Variants in OR51A7 observed in about 807,000 individuals in gnomAD.
The protein encoded by OR51A7 is olfactory receptor family 51 subfamily A member 7.
For synonymous variants in OR51A7, 143 were observed against 135.5 expected, an observed-to-expected ratio of 1.05 and a Z score of -0.38; for missense variants, 409 against 374.5, an observed-to-expected ratio of 1.09 and a Z score of -0.76.
In OR51A7 at chr11:4,908,459, A is replaced by G; in HGVS notation, c.*151A>G. On this transcript the variant is annotated 3_prime_UTR_variant, in exon 2 of 2. Coordinates refer to ENST00000641490, the MANE Select transcript of OR51A7 (RefSeq NM_001004749.2). ...GAATTTATAATAAAGTTGAGAATAT[A>G]ACTGAACAGGATAGAAAAAAAAGTC... The G allele has an allele frequency of 1.4e-6, 1 of 717,224 alleles. No individual in the cohort carries two copies. Among genetic ancestry groups the G allele is most frequent in the Non-Finnish European group, 2.4e-6 (1 of 412,212 alleles). The allele number at this position is 717,224 out of a possible 1,614,324, so 44.4% of individuals were successfully genotyped here.
At chr11:4,904,835 T>G (rs1850858813) in intron 1 of OR51A7, among the ~76,000 whole-genome samples, 1 of 152,178 alleles carries the variant, frequency 6.6e-6, no homozygotes, top group Non-Finnish European at 1.5e-5. Context: ...TTTACATATT[T>G]GCTGAGAGCC....
chr11:4,905,131 C>T (rs1457014301), intron 1 of OR51A7, among the ~76,000 whole-genome samples: 4 of 152,086 alleles, frequency 2.6e-5, no homozygotes, highest in Non-Finnish European at 5.9e-5. Context: ...TTTATGACTA[C>T]TGACATGGGA....
At chr11:4,905,670 A>G (rs1173065950) in intron 1 of OR51A7, among the ~76,000 whole-genome samples, 1 of 152,108 alleles carries the variant, frequency 6.6e-6, no homozygotes, top group Admixed American at 6.5e-5. Context: ...TATTAATTTC[A>G]TAATTTTAAT....
rs139252368 is a variant in OR51A7 at position 4,907,833 on chromosome 11, T to C, written c.464T>C (p.Leu155Ser). 10 of 1,613,692 alleles carry C rather than the reference T, an allele frequency of 6.2e-6. No homozygotes were observed. The highest frequency in any genetic ancestry group is 2.7e-5 in the African/African-American group (2 of 74,912). ...GLILAIRSILLVIPFPFTLRR... is the reference protein window; with the variant it reads ...GLILAIRSILSVIPFPFTLRR... ...ATTTTAGCCATTAGGAGCATTCTCT[T>C]AGTGATTCCATTTCCCTTCACCTTA... Residue 155 changes from leucine to serine, a missense_variant, in exon 2 of 2, where the codon TTA becomes TCA. Coordinates refer to ENST00000641490, the MANE Select transcript of OR51A7 (RefSeq NM_001004749.2).
chr11:4,906,374 TA>T lies in OR51A7; in HGVS notation c.-31-964del, dbSNP rs574973802. 1.4e-3 allele frequency among the ~76,000 whole-genome samples: 217 copies of T among 152,322 alleles called. 1 individual carries two copies. The highest frequency in any genetic ancestry group is 4.9e-3 in the African/African-American group (203 of 41,584). On this transcript the variant is annotated intron_variant, in intron 1 of 1. Coordinates refer to ENST00000641490, the MANE Select transcript of OR51A7 (RefSeq NM_001004749.2). ...AAACCTACCAAGATTGTATTCATTT[TA>T]CAGATTTAAAATAACGCCCAAATAA... is the stretch of plus-strand genomic sequence containing the variant.
Position 4,908,078 on chromosome 11 carries a change from C to T in OR51A7, c.709C>T (p.Leu237=), listed in dbSNP as rs778405684. 2.2e-5 allele frequency: 36 copies of T among 1,614,042 alleles called. No homozygotes were observed. In the Admixed American group the frequency reaches 4.3e-4, roughly 19 times the overall value. The change falls in exon 2 of 2, where the codon CTA becomes TTA. Residue 237 remains leucine (L), a synonymous_variant. Transcript: ENST00000641490. ...ATCTTTGGCAGAGAGGCTTAAGGCC[C>T]TAAATACCTGTGTCTCCCACATCTG... ...IASLAERLKA[L]NTCVSHICAV... is the part of the protein sequence containing the mutation.
In OR51A7 at chr11:4,908,979, G is replaced by A. The variant is rs1034797846; in HGVS notation, c.*671G>A. 3 of 152,460 alleles carry A rather than the reference G, an allele frequency of 2.0e-5. No homozygotes were observed. Among genetic ancestry groups the A allele is most frequent in the African/African-American group, 7.2e-5 (3 of 41,442 alleles). The allele number at this position is 152,460 out of a possible 1,614,324, so 9.4% of individuals were successfully genotyped here. ...AGTGATGACTCAGAATAGGCAGGGA[G>A]AGAACAAGATCATTTAGCTGCTGTT... On this transcript the variant is annotated 3_prime_UTR_variant, in exon 2 of 2. Transcript: ENST00000641490.
chr11:4,905,317 A>G (rs1589934396), intron 1 of OR51A7, among the ~76,000 whole-genome samples: 2 of 152,166 alleles, frequency 1.3e-5, no homozygotes, highest in African/African-American at 4.8e-5. Flanking sequence ...GCCCTTTTCC[A>G]TGTAGAAGAT....
Position 4,908,424 on chromosome 11 carries a change from A to G in OR51A7, c.*116A>G. On this transcript the variant is annotated 3_prime_UTR_variant, in exon 2 of 2. Transcript: ENST00000641490. ...GACTGGATGATGGAAGTGAAAAGCTATGTAGTGCAGAATTTATAATAAAGT... is the reference window on the plus strand; with the variant it reads ...GACTGGATGATGGAAGTGAAAAGCTGTGTAGTGCAGAATTTATAATAAAGT... 1.2e-6 allele frequency: 1 copy of G among 852,448 alleles called. No homozygotes were observed. The highest frequency in any genetic ancestry group is 1.9e-6 in the Non-Finnish European group (1 of 517,544). 52.8% of individuals were successfully genotyped at this position (852,448 alleles called of 1,614,324 possible). A position where few individuals can be genotyped will look rare whatever the true frequency, so the allele number is the denominator to read the frequency against.
chr11:4,905,357 C>T (rs186789034), intron 1 of OR51A7, among the ~76,000 whole-genome samples: 1 of 152,140 alleles, frequency 6.6e-6, no homozygotes, highest in Non-Finnish European at 1.5e-5. Flanking sequence ...GCCAAAATGT[C>T]TCTTAGTACC....
chr11:4,905,233 A>G (rs1167376410), intron 1 of OR51A7, among the ~76,000 whole-genome samples: 1 of 152,070 alleles, frequency 6.6e-6, no homozygotes, highest in Non-Finnish European at 1.5e-5. Context: ...TCTCCACATT[A>G]TACTTACCCT....
Position 4,907,353 on chromosome 11 carries a change from C to G in OR51A7, c.-17C>G. 4.6e-4 allele frequency: 659 copies of G among 1,439,220 alleles called. No individual in the cohort carries two copies. The highest frequency in any genetic ancestry group is 5.8e-4 in the Non-Finnish European group (599 of 1,028,364). 89.2% of individuals were successfully genotyped at this position (1,439,220 alleles called of 1,614,324 possible). On this transcript the variant is annotated 5_prime_UTR_variant, in exon 2 of 2. Coordinates refer to ENST00000641490, the MANE Select transcript of OR51A7 (RefSeq NM_001004749.2). ...TATGGTTTCAGATCCGGCTAACGAGCTCATATCTCCCTCATTATGTCTGTT... is the reference window on the plus strand; with the variant it reads ...TATGGTTTCAGATCCGGCTAACGAGGTCATATCTCCCTCATTATGTCTGTT...
chr11:4,908,593 C>A lies in OR51A7; in HGVS notation c.*285C>A. 2.2e-6 allele frequency: 1 copy of A among 450,284 alleles called. No individual in the cohort carries two copies. Among genetic ancestry groups the A allele is most frequent in the Admixed American group, 3.6e-5 (1 of 28,082 alleles). 27.9% of individuals were successfully genotyped at this position (450,284 alleles called of 1,614,324 possible). Reference sequence around the variant, plus strand: ...TGAGTCAACCCATAAAGAATGAATACAATTTGGGCAGATTGAGATTACCAT... The same window carrying A: ...TGAGTCAACCCATAAAGAATGAATAAAATTTGGGCAGATTGAGATTACCAT... On this transcript the variant is annotated 3_prime_UTR_variant, in exon 2 of 2. Transcript: ENST00000641490.
At position 4,908,448 on chromosome 11, in the gene OR51A7, G is replaced by C; in HGVS notation, c.*140G>C. On this transcript the variant is annotated 3_prime_UTR_variant, in exon 2 of 2. Transcript: ENST00000641490. The stretch of plus-strand genomic sequence containing the variant: ...TATGTAGTGCAGAATTTATAATAAA[G>C]TTGAGAATATAACTGAACAGGATAG... 1.3e-6 allele frequency: 1 copy of C among 747,594 alleles called. No homozygotes were observed. Among genetic ancestry groups the C allele is most frequent in the Non-Finnish European group, 2.3e-6 (1 of 433,756 alleles). 46.3% of individuals were successfully genotyped at this position (747,594 alleles called of 1,614,324 possible). A position where few individuals can be genotyped will look rare whatever the true frequency, so the allele number is the denominator to read the frequency against.
In OR51A7 at chr11:4,905,637, T is replaced by G. The variant is rs1850875226; in HGVS notation, c.-31-1702T>G. ...ATTGGCTCTACCTTCATCTTTTGTATTTTTGTTATTTTTAATTAAAATTAT... is the reference window on the plus strand; with the variant it reads ...ATTGGCTCTACCTTCATCTTTTGTAGTTTTGTTATTTTTAATTAAAATTAT... On this transcript the variant is annotated intron_variant, in intron 1 of 1. Transcript: ENST00000641490. 2.0e-5 allele frequency among the ~76,000 whole-genome samples: 3 copies of G among 152,094 alleles called. 1 individual carries two copies. Among genetic ancestry groups the G allele is most frequent in the African/African-American group, 7.2e-5 (3 of 41,448 alleles).
In OR51A7 at chr11:4,907,765, C is replaced by T. The variant is rs1331330366; in HGVS notation, c.396C>T (p.Tyr132=). ...TTGCCATTCACAATCCCTTAAGATA[C>T]AGTTCTATCCTCACTAGCAACAGGG... ...RFLAIHNPLR[Y]SSILTSNRVA... Residue 132 remains tyrosine, a synonymous_variant, in exon 2 of 2, where the codon TAC becomes TAT. Transcript: ENST00000641490. The T allele has an allele frequency of 1.9e-6, 3 of 1,613,960 alleles. No individual in the cohort carries two copies. The highest frequency in any genetic ancestry group is 2.5e-6 in the Non-Finnish European group (3 of 1,180,030).
chr11:4,907,599 C>T lies in OR51A7; in HGVS notation c.230C>T (p.Ser77Phe), dbSNP rs780032211. 6.2e-7 allele frequency: 1 copy of T among 1,613,832 alleles called. No individual in the cohort carries two copies. Among genetic ancestry groups the T allele is most frequent in the Non-Finnish European group, 8.5e-7 (1 of 1,179,778 alleles). ...AVSDMGLSLSSLPTMLRVFLF... is the reference protein window; with the variant it reads ...AVSDMGLSLSFLPTMLRVFLF... Reference sequence around the variant, plus strand: ...TCTGACATGGGCCTGTCCCTCTCCTCCCTTCCTACCATGTTGAGGGTCTTC... The same window carrying T: ...TCTGACATGGGCCTGTCCCTCTCCTTCCTTCCTACCATGTTGAGGGTCTTC... The change falls in exon 2 of 2, where the codon TCC becomes TTC. Residue 77 changes from serine to phenylalanine, a missense_variant. By Grantham distance (155) the Ser-to-Phe change is radical (BLOSUM62 -2). Coordinates refer to ENST00000641490, the MANE Select transcript of OR51A7 (RefSeq NM_001004749.2).
rs1338489849 is a variant in OR51A7, at chr11:4,908,047, C to A, written c.678C>A (p.Ser226Arg). 9.3e-6 allele frequency: 15 copies of A among 1,614,052 alleles called. No individual in the cohort carries two copies. Among genetic ancestry groups the A allele is most frequent in the African/African-American group, 1.3e-5 (1 of 74,934 alleles). The part of the protein sequence containing the change: ...SYVLILKTIL[S>R]IASLAERLKA... ...TGCTGATCTTGAAGACTATACTCAG[C>A]ATTGCATCTTTGGCAGAGAGGCTTA... Residue 226 changes from serine to arginine, a missense_variant, in exon 2 of 2, where the codon AGC becomes AGA. Transcript: ENST00000641490.
chr11:4,907,770 C>T lies in OR51A7; in HGVS notation c.401C>T (p.Ser134Phe). The T allele has an allele frequency of 6.2e-7, 1 of 1,614,080 alleles. No individual in the cohort carries two copies. Among genetic ancestry groups the T allele is most frequent in the Non-Finnish European group, 8.5e-7 (1 of 1,180,016 alleles). The part of the protein sequence containing the change: ...LAIHNPLRYS[S>F]ILTSNRVAKM... The stretch of plus-strand genomic sequence containing the variant: ...ATTCACAATCCCTTAAGATACAGTT[C>T]TATCCTCACTAGCAACAGGGTTGCT... Residue 134 changes from serine (S) to phenylalanine (F), a missense_variant, in exon 2 of 2, where the codon TCT (serine) becomes TTT (phenylalanine). Coordinates refer to ENST00000641490, the MANE Select transcript of OR51A7 (RefSeq NM_001004749.2).
Sources: allele counts gnomAD v4.1 joint callset (sites outside exome capture counted in the v4.1 genomes callset), GRCh38; gene constraint gnomAD v4.1.1; transcripts MANE v1.5; gene names NCBI Gene and HGNC (gene_info 2026-07-23, HGNC 2026-07-21).